Variants in SH3BP5 observed in about 807,000 individuals in gnomAD.
The protein encoded by SH3BP5 is SH3 domain binding protein 5, also known as SH3 domain-binding protein 5.
In SH3BP5, 22 loss-of-function variants were observed where a neutral mutation model predicts 43.3. The ratio of observed to expected loss-of-function variants is 0.51; its 90% confidence interval spans 0.36 to 0.73. The LOEUF is 0.73. Among genes scored for constraint, SH3BP5 ranks in the 30% least tolerant of loss-of-function variants. SH3BP5 has a pLI of 0.00. For synonymous variants in SH3BP5, 255 were observed against 225.8 expected (o/e 1.13, Z -1.16); for missense variants, 529 against 586.9 (o/e 0.90, Z 1.02).
intron 7 of SH3BP5, chr3:15,258,215 G>C (rs1163234826): frequency 6.6e-6 from 1 of 152,198 alleles, no homozygotes; most frequent in Non-Finnish European, 1.5e-5. Context: ...TGCAAAGACA[G>C]CGTTGGGTGG....
chr3:15,299,483 A>ATTTT lies in SH3BP5; in HGVS notation c.330+4616_330+4619dup, dbSNP rs60281447. 3.5e-4 allele frequency among the ~76,000 whole-genome samples: 32 copies of ATTTT among 92,276 alleles called. 2 individuals are homozygous for ATTTT. The highest frequency in any genetic ancestry group is 5.6e-4 in the Non-Finnish European group (26 of 46,718). 60.5% of individuals were successfully genotyped at this position (92,276 alleles called of 152,430 possible). A position where few individuals can be genotyped will look rare whatever the true frequency, so the allele number is the denominator to read the frequency against. On this transcript the variant is annotated intron_variant, in intron 3 of 8. Coordinates refer to ENST00000383791, the MANE Select transcript of SH3BP5 (RefSeq NM_004844.5). The stretch of plus-strand genomic sequence containing the variant: ...CAATTTCCACCAGCTCAACAATTAG[A>ATTTT]TTTTTTTTTTTTTTTTTTTTTTTTT...
intron 1 of SH3BP5, among the ~76,000 whole-genome samples, chr3:15,340,088 A>C (rs1698748436): frequency 6.6e-6 from 1 of 152,162 alleles, no homozygotes; most frequent in Admixed American, 6.5e-5. Context: ...TCATCTCAGC[A>C]CAGCCCTCAC....
intron 2 of SH3BP5, among the ~76,000 whole-genome samples, chr3:15,308,469 C>T (rs977365287): frequency 6.6e-6 from 1 of 152,210 alleles, no homozygotes; most frequent in Admixed American, 6.5e-5. Context: ...AGACTACTTA[C>T]ACACGTTGAG....
At chr3:15,271,568 C>T (rs1244918032) in intron 3 of SH3BP5, 1 of 152,064 alleles carries the variant, frequency 6.6e-6, no homozygotes, top group Non-Finnish European at 1.5e-5. Context: ...GTCCCAGCTA[C>T]TCGGAAGGTT....
intron 2 of SH3BP5, among the ~76,000 whole-genome samples, chr3:15,307,820 C>T (rs977675494): frequency 6.6e-6 from 1 of 152,230 alleles, no homozygotes; most frequent in African/African-American, 2.4e-5. Context: ...TGTCCACATT[C>T]ACACCAGTGA....
intron 4 of SH3BP5, among the ~76,000 whole-genome samples, chr3:15,269,352 A>G (rs1696732012): frequency 6.6e-6 from 1 of 152,130 alleles, no homozygotes. Flanking sequence ...AGGTCTCCCC[A>G]TCACAGATTC....
intron 2 of SH3BP5, among the ~76,000 whole-genome samples, chr3:15,320,368 T>A (rs1178918181): frequency 6.6e-6 from 1 of 152,256 alleles, no homozygotes; most frequent in South Asian, 2.1e-4. Flanking sequence ...ATTTTTTCCA[T>A]CTTCCTTTAA....
chr3:15,287,402 GAAGGGTT>G (rs1697294406), intron 3 of SH3BP5, among the ~76,000 whole-genome samples: 1 of 152,144 alleles, frequency 6.6e-6, no homozygotes, highest in Non-Finnish European at 1.5e-5. Context: ...GGGGCTAAAG[GAAGGGTT>G]CATGAAAGTT....
At chr3:15,329,395 A>C (rs1698553490) in intron 2 of SH3BP5, among the ~76,000 whole-genome samples, 1 of 152,224 alleles carries the variant, frequency 6.6e-6, no homozygotes, top group African/African-American at 2.4e-5. Context: ...AAGTGAAAGA[A>C]ATGTAAACAA....
At chr3:15,294,284 A>C (rs1697498197) in intron 3 of SH3BP5, among the ~76,000 whole-genome samples, 1 of 140,398 alleles carries the variant, frequency 7.1e-6, no homozygotes. Flanking sequence ...TTCTTCTGCA[A>C]AAGTAAGTGT....
intron 3 of SH3BP5, among the ~76,000 whole-genome samples, chr3:15,277,671 G>C (rs1478322061): frequency 6.6e-6 from 1 of 152,110 alleles, no homozygotes; most frequent in African/African-American, 2.4e-5. Flanking sequence ...ATGCAGAGAG[G>C]CACGGGGCAG....
intron 2 of SH3BP5, among the ~76,000 whole-genome samples, chr3:15,305,196 T>C (rs1052266617): frequency 6.6e-6 from 1 of 152,128 alleles, no homozygotes; most frequent in African/African-American, 2.4e-5. Context: ...CATAGCACGG[T>C]ATAGATTAAA....
chr3:15,265,102 G>A (rs1274367112), intron 4 of SH3BP5, among the ~76,000 whole-genome samples: 1 of 151,974 alleles, frequency 6.6e-6, no homozygotes, highest in East Asian at 2.0e-4. Flanking sequence ...CGAGCCCATG[G>A]CAATACTGGC....
chr3:15,259,512 G>A lies in SH3BP5; in HGVS notation c.669+249C>T, dbSNP rs1213999069. ...TCTCCAGGTGATGCTGATGCTGCTG[G>A]TCCTAAGAGCATGCTGTGAGAACCA... On this transcript the variant is annotated intron_variant, in intron 6 of 8. Coordinates refer to ENST00000383791, the MANE Select transcript of SH3BP5 (RefSeq NM_004844.5). The A allele has an allele frequency of 5.0e-6, 3 of 594,182 alleles. No individual in the cohort carries two copies. The African/African-American group carries it at 5.6e-5, about 11-fold the overall frequency. 36.8% of individuals were successfully genotyped at this position (594,182 alleles called of 1,614,324 possible).
chr3:15,305,541 C>T (rs1333707124), intron 2 of SH3BP5, among the ~76,000 whole-genome samples: 1 of 152,098 alleles, frequency 6.6e-6, no homozygotes, highest in African/African-American at 2.4e-5. Context: ...GGAAGAATGG[C>T]GCCAGACCAT....
chr3:15,331,416 ATT>A (rs559590292), intron 1 of SH3BP5, among the ~76,000 whole-genome samples: 4 of 152,188 alleles, frequency 2.6e-5, no homozygotes, highest in African/African-American at 9.7e-5. Flanking sequence ...CTTAAAAGCA[ATT>A]TTTTTAAAAA....
rs1227025098 is a variant in SH3BP5 at position 15,294,326 on chromosome 3, T to C, written c.330+9777A>G. Among the ~76,000 whole-genome samples the C allele has an allele frequency of 5.3e-4, 66 of 124,940 alleles. 1 individual carries two copies. The highest frequency in any genetic ancestry group is 2.9e-3 in the East Asian group (14 of 4,890). The allele number at this position is 124,940 out of a possible 152,430, so 82.0% of individuals were successfully genotyped here. A position where few individuals can be genotyped will look rare whatever the true frequency, so the allele number is the denominator to read the frequency against. On this transcript the variant is annotated intron_variant, in intron 3 of 8. Transcript: ENST00000383791. ...GTGTGTGTGTGTGTGTGTGTGTGTG[T>C]GTGTGCGCGCGCATGTTTACGTAAC...
At chr3:15,312,876 T>C (rs547149320) in intron 2 of SH3BP5, among the ~76,000 whole-genome samples, 46 of 152,028 alleles carry the variant, frequency 3.0e-4, no homozygotes, top group African/African-American at 1.1e-3. Context: ...TATTATTCTT[T>C]AAAAAAAACA....
intron 2 of SH3BP5, 196 bp from the exon 3 acceptor site, chr3:15,304,427 C>G: frequency 1.2e-6 from 1 of 803,154 alleles, no homozygotes; most frequent in Non-Finnish European, 2.1e-6. Context: ...GTCCTGTGCT[C>G]TGCACAGTGC....
Sources: allele counts gnomAD v4.1 joint callset (sites outside exome capture counted in the v4.1 genomes callset), GRCh38; gene constraint gnomAD v4.1.1; transcripts MANE v1.5; gene names NCBI Gene and HGNC (gene_info 2026-07-23, HGNC 2026-07-21).